CEP112: variants seen among roughly 807,000 people sequenced by gnomAD.
CEP112 encodes the protein centrosomal protein of 112 kDa.
In CEP112, 127 loss-of-function variants were observed where a neutral mutation model predicts 153.0. The observed-to-expected ratio is 0.83, with a 90% CI of 0.72 to 0.96. The LOEUF (loss-of-function observed/expected upper bound fraction) is 0.96. Ranked by LOEUF, CEP112 falls within the 40% of genes least tolerant of loss-of-function variation. CEP112 has a pLI of 0.00. For missense variants in CEP112, 1,089 were observed against 1,101.2 expected (o/e 0.99, Z 0.16); for synonymous variants, 358 against 374.4 (o/e 0.96, Z 0.51).
At chr17:66,121,694 T>G (rs1315472296) in intron 6 of CEP112, among the ~76,000 whole-genome samples, 1 of 150,052 alleles carries the variant, frequency 6.7e-6, no homozygotes, top group Non-Finnish European at 1.5e-5. Context: ...TTCCATCTGT[T>G]TTTTTTTTTT....
At chr17:66,032,762 T>A (rs2065545550) in intron 12 of CEP112, among the ~76,000 whole-genome samples, 2 of 152,204 alleles carry the variant, frequency 1.3e-5, no homozygotes, top group Non-Finnish European at 2.9e-5. Flanking sequence ...GACATGCAGA[T>A]GCCCCATATA....
At chr17:66,122,088 G>T (rs192391775) in intron 6 of CEP112, among the ~76,000 whole-genome samples, 1 of 152,102 alleles carries the variant, frequency 6.6e-6, no homozygotes, top group Admixed American at 6.5e-5. Flanking sequence ...TAGAGATGGG[G>T]TTTCACTATG....
At chr17:66,129,498 T>C (rs1430469962) in intron 6 of CEP112, among the ~76,000 whole-genome samples, 1 of 152,212 alleles carries the variant, frequency 6.6e-6, no homozygotes, top group Non-Finnish European at 1.5e-5. Flanking sequence ...TTTATTATTA[T>C]TTAACTATTT....
At chr17:66,029,791 A>T in intron 13 of CEP112, 78 bp downstream of exon 13, 1 of 1,218,388 alleles carries the variant, frequency 8.2e-7, no homozygotes, top group Non-Finnish European at 1.1e-6. Flanking sequence ...AGGTGTAATT[A>T]ATTTTGGCAG....
At position 65,804,921 on chromosome 17, in the gene CEP112, G is replaced by A. The variant is rs536735550; in HGVS notation, c.2394+46883C>T. On this transcript the variant is annotated intron_variant, in intron 21 of 26. Transcript: ENST00000535342. The stretch of plus-strand genomic sequence containing the variant: ...GTGTCACCCAGGCTGGAATGCAGTG[G>A]TGTCTCAACCTCCACCTCCTGGGTT... 8.7e-4 allele frequency among the ~76,000 whole-genome samples: 132 copies of A among 151,862 alleles called. 1 individual carries two copies. Among genetic ancestry groups the A allele is most frequent in the African/African-American group, 3.0e-3 (126 of 41,424 alleles).
intron 22 of CEP112, among the ~76,000 whole-genome samples, chr17:65,745,224 T>C (rs937142620): frequency 6.6e-6 from 1 of 152,236 alleles, no homozygotes; most frequent in Admixed American, 6.5e-5. Flanking sequence ...GATTGTGAAA[T>C]GACAAAATAT....
At chr17:66,008,382 G>T (rs1287415243) in intron 16 of CEP112, among the ~76,000 whole-genome samples, 4 of 151,886 alleles carry the variant, frequency 2.6e-5, no homozygotes, top group African/African-American at 9.7e-5. Flanking sequence ...TTGAGACAGG[G>T]TCTCACTGCC....
intron 18 of CEP112, among the ~76,000 whole-genome samples, chr17:65,929,563 C>T (rs1418455953): frequency 6.6e-6 from 1 of 152,230 alleles, no homozygotes; most frequent in Non-Finnish European, 1.5e-5. Flanking sequence ...CCTATCCCTG[C>T]TTAGCTACCC....
chr17:66,039,241 AACATCTACTG>A (rs2065872380), intron 12 of CEP112, among the ~76,000 whole-genome samples: 2 of 152,156 alleles, frequency 1.3e-5, no homozygotes, highest in Admixed American at 1.3e-4. Context: ...TTCATCGTAC[AACATCTACTG>A]ACATAAGAAG....
At chr17:65,739,843 C>G (rs1194502854) in intron 23 of CEP112, among the ~76,000 whole-genome samples, 1 of 152,156 alleles carries the variant, frequency 6.6e-6, no homozygotes, top group Non-Finnish European at 1.5e-5. Context: ...GTTTCTTGGA[C>G]AGTGAGGATC....
intron 24 of CEP112, among the ~76,000 whole-genome samples, chr17:65,684,331 A>C (rs908619437): frequency 2.0e-5 from 3 of 152,228 alleles, no homozygotes; most frequent in African/African-American, 7.2e-5. Context: ...TTTGTTTAAT[A>C]AAATATCCTT....
Position 66,093,265 on chromosome 17 carries a change from C to A in CEP112, c.768+2986G>T, listed in dbSNP as rs9899655. ...GCTAAGGCAGGAGAATTGCTTGAACCCGTGAGACGTAGGCTGCAGTGAGCT... is the reference window on the plus strand; with the variant it reads ...GCTAAGGCAGGAGAATTGCTTGAACACGTGAGACGTAGGCTGCAGTGAGCT... On this transcript the variant is annotated intron_variant, in intron 8 of 26. Transcript: ENST00000535342. 1.5e-3 allele frequency among the ~76,000 whole-genome samples: 227 copies of A among 152,184 alleles called. 1 individual carries two copies. Among genetic ancestry groups the A allele is most frequent in the African/African-American group, 5.3e-3 (218 of 41,518 alleles).
intron 21 of CEP112, among the ~76,000 whole-genome samples, chr17:65,819,906 T>C (rs1366476783): frequency 6.6e-6 from 1 of 152,046 alleles, no homozygotes; most frequent in Non-Finnish European, 1.5e-5. Flanking sequence ...AGAAGGACTT[T>C]AATGGAAAAG....
chr17:65,852,736 G>T (rs866159944), intron 20 of CEP112, among the ~76,000 whole-genome samples: 4 of 151,686 alleles, frequency 2.6e-5, no homozygotes, highest in African/African-American at 9.7e-5. Flanking sequence ...TTCCCTATTG[G>T]ATTTTTACTT....
intron 12 of CEP112, among the ~76,000 whole-genome samples, chr17:66,034,547 G>A (rs2065627216): frequency 6.6e-6 from 1 of 151,034 alleles, no homozygotes; most frequent in African/African-American, 2.4e-5. Context: ...AAGAAAAAGG[G>A]TTTCTGTTAG....
In CEP112 at chr17:66,139,728, T is replaced by C. The variant is rs543340282; in HGVS notation, c.471-6965A>G. ...ACTCGAAATGCAAAACTTACCAAGA[T>C]TGAATCATGAAGAATAGAAAATATG... On this transcript the variant is annotated intron_variant, in intron 4 of 26. Transcript: ENST00000535342. 1.2e-4 allele frequency among the ~76,000 whole-genome samples: 19 copies of C among 152,150 alleles called. No homozygotes were observed. In the South Asian group the frequency reaches 1.7e-3, roughly 13 times the overall value.
At chr17:65,707,301 A>G (rs922057393) in intron 23 of CEP112, among the ~76,000 whole-genome samples, 1 of 152,102 alleles carries the variant, frequency 6.6e-6, no homozygotes, top group Non-Finnish European at 1.5e-5. Context: ...AACCTTAAAA[A>G]CATGCATAAC....
intron 24 of CEP112, among the ~76,000 whole-genome samples, chr17:65,672,836 G>C (rs2047051408): frequency 6.6e-6 from 1 of 152,178 alleles, no homozygotes; most frequent in Non-Finnish European, 1.5e-5. Context: ...TTTTGAAAAT[G>C]ATGGCATTTC....
In CEP112 at chr17:66,155,497, GT is replaced by G. The variant is rs746425301; in HGVS notation, c.470+19546del. 1.3e-3 allele frequency among the ~76,000 whole-genome samples: 192 copies of G among 146,494 alleles called. No individual in the cohort carries two copies. In the Middle Eastern group the frequency reaches 0.014, roughly 11 times the overall value. On this transcript the variant is annotated intron_variant, in intron 4 of 26. Transcript: ENST00000535342. ...GCAGACATCGAGATAGCTGTAGGAG[GT>G]TTTTTTTTTTTCATACCCCAGTGGC...
Sources: gnomAD v4.1 joint callset for allele counts (sites outside exome capture counted in the v4.1 genomes callset) on GRCh38, gnomAD v4.1.1 for gene constraint, MANE v1.5 for transcripts, NCBI Gene and HGNC (gene_info 2026-07-23, HGNC 2026-07-21) for gene names.